The following ARHGAP17 variants were observed in gnomAD, a reference collection of about 807,000 sequenced individuals.
ARHGAP17 encodes the protein Rho GTPase activating protein 17.
ARHGAP17 carries 57 observed loss-of-function variants against 99.5 expected under a neutral mutation model. The observed-to-expected ratio is 0.57, with a 90% CI of 0.46 to 0.71. The LOEUF (loss-of-function observed/expected upper bound fraction) is 0.71, where lower values mean the gene tolerates loss of function less well. Among genes scored for constraint, ARHGAP17 ranks in the 30% least tolerant of loss-of-function variants. The pLI, the probability that ARHGAP17 is intolerant of heterozygous loss-of-function variation, is 0.00. For synonymous variants in ARHGAP17, 417 were observed against 429.6 expected, an observed-to-expected ratio of 0.97 and a Z score of 0.36; for missense variants, 1,000 against 1,122.4, an observed-to-expected ratio of 0.89 and a Z score of 1.56.
chr16:25,004,784 A>G (rs2053461353), intron 1 of ARHGAP17, among the ~76,000 whole-genome samples: 1 of 152,242 alleles, frequency 6.6e-6, no homozygotes, highest in Non-Finnish European at 1.5e-5. Context: ...CAAAAAGAAG[A>G]GCTGTGGGAA....
chr16:25,014,775 T>C (rs976972471), intron 1 of ARHGAP17, among the ~76,000 whole-genome samples: 6 of 152,208 alleles, frequency 3.9e-5, no homozygotes, highest in African/African-American at 7.2e-5. Flanking sequence ...CGGGAAAGCC[T>C]GGGACTGCCG....
At chr16:24,961,055 G>A (rs1036101589) in intron 7 of ARHGAP17, among the ~76,000 whole-genome samples, 3 of 151,598 alleles carry the variant, frequency 2.0e-5, no homozygotes, top group African/African-American at 7.3e-5. Flanking sequence ...GTAGAGACAA[G>A]GTTTTGCCAC....
chr16:24,990,271 G>A (rs899225719), intron 1 of ARHGAP17, among the ~76,000 whole-genome samples: 5 of 152,174 alleles, frequency 3.3e-5, no homozygotes, highest in African/African-American at 1.2e-4. Flanking sequence ...AATCACCTGA[G>A]TCCAGGAGTT....
chr16:24,973,188 G>C (rs757501980), intron 3 of ARHGAP17, among the ~76,000 whole-genome samples: 1 of 152,138 alleles, frequency 6.6e-6, no homozygotes, highest in Non-Finnish European at 1.5e-5. Context: ...CATGCCAATC[G>C]CACAAAAAGA....
chr16:24,921,504 A>G (rs1296654004), intron 19 of ARHGAP17, among the ~76,000 whole-genome samples: 1 of 152,032 alleles, frequency 6.6e-6, no homozygotes, highest in African/African-American at 2.4e-5. Context: ...TTTTGACTAT[A>G]TTTCTGTTCG....
intron 12 of ARHGAP17, 87 bp downstream of exon 12, chr16:24,952,202 A>T: frequency 2.1e-6 from 2 of 948,652 alleles, no homozygotes; most frequent in Non-Finnish European, 3.2e-6. Context: ...TAATCTTATG[A>T]TCCCTGAGAA....
intron 17 of ARHGAP17, chr16:24,935,954 C>A: frequency 8.3e-6 from 3 of 363,162 alleles, no homozygotes; most frequent in Non-Finnish European, 1.1e-5. Context: ...GACTATAGGA[C>A]TATTTATTTT....
intron 18 of ARHGAP17, 82 bp from the exon 19 acceptor site, chr16:24,931,486 C>T: frequency 1.5e-6 from 2 of 1,374,702 alleles, no homozygotes; most frequent in Non-Finnish European, 1.9e-6. Flanking sequence ...AATTTAACAT[C>T]ACCAGTAATA....
At chr16:24,965,900 G>A (rs1412636554) in intron 6 of ARHGAP17, among the ~76,000 whole-genome samples, 7 of 152,156 alleles carry the variant, frequency 4.6e-5, no homozygotes, top group Non-Finnish European at 8.8e-5. Context: ...TTTTTCTCCA[G>A]GGAAAAGCAA....
At position 24,925,931 on chromosome 16, in the gene ARHGAP17, A is replaced by G. The variant is rs149133680; in HGVS notation, c.2515+4853T>C. ...CGAGACCATCTTGGCTAACATGGTG[A>G]AACCCTGTCTCTACTAAAAATACAA... On this transcript the variant is annotated intron_variant, in intron 19 of 19. Transcript: ENST00000289968. 6.6e-3 allele frequency among the ~76,000 whole-genome samples: 1,010 copies of G among 152,126 alleles called. 16 individuals are homozygous for G. The highest frequency in any genetic ancestry group is 0.023 in the African/African-American group (963 of 41,514).
At position 24,957,580 on chromosome 16, in the gene ARHGAP17, G is replaced by A. The variant is rs892030337; in HGVS notation, c.724+2091C>T. Reference sequence around the variant, plus strand: ...GGCGTGAGGAGACAAAAATGAATAAGGAAGGGACGGCCCATGCCGGGTCAA... The same window carrying A: ...GGCGTGAGGAGACAAAAATGAATAAAGAAGGGACGGCCCATGCCGGGTCAA... On this transcript the variant is annotated intron_variant, in intron 9 of 19. Transcript: ENST00000289968. 2.0e-5 allele frequency: 3 copies of A among 152,294 alleles called. 1 individual carries two copies. The highest frequency in any genetic ancestry group is 1.3e-4 in the Admixed American group (2 of 15,290). 9.4% of individuals were successfully genotyped at this position (152,294 alleles called of 1,614,324 possible). A position where few individuals can be genotyped will look rare whatever the true frequency, so the allele number is the denominator to read the frequency against.
intron 1 of ARHGAP17, among the ~76,000 whole-genome samples, chr16:24,999,964 A>C (rs1331130515): frequency 6.6e-6 from 1 of 152,034 alleles, no homozygotes; most frequent in Non-Finnish European, 1.5e-5. Flanking sequence ...CCTAGCACAC[A>C]CCACCTTCTT....
chr16:24,966,318 G>A (rs536058640), intron 6 of ARHGAP17, among the ~76,000 whole-genome samples: 54 of 152,172 alleles, frequency 3.5e-4, no homozygotes, highest in Non-Finnish European at 6.3e-4. Context: ...GCAACATACC[G>A]AGACCAGGTC....
intron 16 of ARHGAP17, among the ~76,000 whole-genome samples, chr16:24,940,654 T>A (rs2051287160): frequency 6.6e-6 from 1 of 152,020 alleles, no homozygotes; most frequent in Admixed American, 6.6e-5. Context: ...TGAGCCATGA[T>A]CATACCACTG....
Position 24,978,980 on chromosome 16 carries a change from C to A in ARHGAP17, c.79G>T (p.Glu27Ter). 1 of 1,591,386 alleles carries A rather than the reference C, an allele frequency of 6.3e-7. No homozygotes were observed. Among genetic ancestry groups the A allele is most frequent in the Non-Finnish European group, 8.5e-7 (1 of 1,171,876 alleles). The change falls in exon 2 of 20, where the codon GAA (glutamate) becomes TAA (stop). Residue 27 changes from glutamate (E) to a stop codon, truncating the protein, a stop_gained. Transcript: ENST00000289968. LOFTEE classifies it high-confidence loss of function. Reference sequence around the variant, plus strand: ...TATTTTGTTACCTGTAATAGATCTTCACTAAGGACTTCTGTTTTCTCAGCT... The same window carrying A: ...TATTTTGTTACCTGTAATAGATCTTAACTAAGGACTTCTGTTTTCTCAGCT... ...GRAEKTEVLS[E>*]DLLQIERRLD... is the part of the protein sequence containing the mutation.
rs188281146 is a variant in ARHGAP17 at position 24,926,340 on chromosome 16, G to A, written c.2515+4444C>T. ...TAGTGGCACGATCTCAGCTCACTGC[G>A]ACCTCCACCTCCTGGGTTCAAGCAG... On this transcript the variant is annotated intron_variant, in intron 19 of 19. Transcript: ENST00000289968. 7.4e-3 allele frequency among the ~76,000 whole-genome samples: 1,122 copies of A among 151,664 alleles called. 17 individuals are homozygous for A. Among genetic ancestry groups the A allele is most frequent in the African/African-American group, 0.026 (1,074 of 41,388 alleles).
chr16:25,009,384 TG>T (rs2053587120), intron 1 of ARHGAP17, among the ~76,000 whole-genome samples: 1 of 123,674 alleles, frequency 8.1e-6, no homozygotes, highest in African/African-American at 2.9e-5. Context: ...AAAAAAAGGG[TG>T]GGGGGAAGGA....
At chr16:24,939,229 CAG>C in intron 17 of ARHGAP17, 133 bp downstream of exon 17, 1 of 768,658 alleles carries the variant, frequency 1.3e-6, no homozygotes, top group Non-Finnish European at 2.0e-6. Context: ...TTTTGCCAAC[CAG>C]AGGAGTGAAA....
intron 12 of ARHGAP17, among the ~76,000 whole-genome samples, chr16:24,950,121 C>A (rs376101089): frequency 1.3e-5 from 2 of 152,092 alleles, no homozygotes; most frequent in African/African-American, 4.8e-5. Flanking sequence ...CCACTTTGAA[C>A]GTGAAATATC....
Sources: allele counts gnomAD v4.1 joint callset (sites outside exome capture counted in the v4.1 genomes callset), GRCh38; gene constraint gnomAD v4.1.1; transcripts MANE v1.5; gene names NCBI Gene and HGNC (gene_info 2026-07-23, HGNC 2026-07-21).